ACOT11: variants seen among roughly 807,000 people sequenced by gnomAD.
ACOT11 encodes the protein acyl-CoA thioesterase 11.
ACOT11 carries 69 observed loss-of-function variants against 77.5 expected under a neutral mutation model. The ratio of observed to expected loss-of-function variants is 0.89; its 90% CI spans 0.73 to 1.09. ACOT11 has a LOEUF of 1.09. ACOT11 is among the 50% of genes least tolerant of loss of function. The probability of loss-of-function intolerance (pLI) is 0.00; values close to 1 mark genes in which losing one functional copy is unlikely to be tolerated. For synonymous variants in ACOT11, 279 were observed against 313.0 expected (o/e 0.89, Z 1.15); for missense variants, 766 against 813.7 (o/e 0.94, Z 0.71).
chr1:54,592,363 G>A (rs886774013), intron 3 of ACOT11, among the ~76,000 whole-genome samples, 183 bp from the exon 4 acceptor site: 12 of 152,352 alleles, frequency 7.9e-5, no homozygotes, highest in South Asian at 4.1e-4. Context: ...TGTAAAGTGG[G>A]GTGCTGACAC....
At chr1:54,623,234 C>A (rs373739721) in intron 15 of ACOT11, 1 of 1,325,962 alleles carries the variant, frequency 7.5e-7, no homozygotes, top group Non-Finnish European at 1.1e-6. Flanking sequence ...AAGGAGCGAG[C>A]GATGAGGGAA....
chr1:54,601,180 CAT>C (rs1491140405), intron 8 of ACOT11, 87 bp from the exon 9 acceptor site: 9 of 1,479,694 alleles, frequency 6.1e-6, no homozygotes, highest in Middle Eastern at 1.8e-4. Context: ...CGCATGTGTG[CAT>C]GTGTGTGTGT....
At chr1:54,554,369 T>TG (rs1557644050) in intron 1 of ACOT11, among the ~76,000 whole-genome samples, 4 of 128,864 alleles carry the variant, frequency 3.1e-5, no homozygotes, top group African/African-American at 1.2e-4. Flanking sequence ...TTTTTTTTTT[T>TG]GAGATGGAGT....
At chr1:54,603,766 T>G in intron 10 of ACOT11, 105 bp from the exon 11 acceptor site, 3 of 1,082,012 alleles carry the variant, frequency 2.8e-6, no homozygotes, top group Non-Finnish European at 4.2e-6. Context: ...TCTCCCATTC[T>G]GCCGGGCTCA....
intron 1 of ACOT11, among the ~76,000 whole-genome samples, chr1:54,578,587 C>T (rs1654194290): frequency 6.6e-6 from 1 of 152,176 alleles, no homozygotes; most frequent in Non-Finnish European, 1.5e-5. Context: ...AGATTCTGCT[C>T]CACATTCTGG....
Position 54,597,231 on chromosome 1 carries a change from T to G in ACOT11, c.608-28T>G, listed in dbSNP as rs6667448. On this transcript the variant is annotated intron_variant, in intron 6 of 15. Transcript: ENST00000343744. ...CTTGGGAATGTTCTCACCTCCCTGC[T>G]TCCCTCCCTTATCCCATCCCTGGTC... 2,493 of 1,607,322 alleles carry G rather than the reference T, an allele frequency of 1.6e-3. 21 individuals are homozygous for G. In the African/African-American group the frequency reaches 0.02, roughly 13 times the overall value.
Position 54,596,583 on chromosome 1 carries a change from A to AT in ACOT11, c.608-668dup, listed in dbSNP as rs542010106. On this transcript the variant is annotated intron_variant, in intron 6 of 15. Coordinates refer to ENST00000343744, the MANE Select transcript of ACOT11 (RefSeq NM_147161.4). ...TGGAGTCAAGTACTTTGTGATTATT[A>AT]TTTTTTTTGAGACAGAGTCTCACTC... 8.5e-5 allele frequency among the ~76,000 whole-genome samples: 13 copies of AT among 152,058 alleles called. No individual in the cohort carries two copies. The South Asian group carries it at 2.1e-3, about 24-fold the overall frequency.
intron 1 of ACOT11, among the ~76,000 whole-genome samples, chr1:54,568,567 T>G (rs531561226): frequency 7.9e-5 from 12 of 151,972 alleles, no homozygotes; most frequent in Non-Finnish European, 1.3e-4. Context: ...TTTCTCCATT[T>G]TGGTCAGACT....
intron 3 of ACOT11, among the ~76,000 whole-genome samples, chr1:54,586,842 A>G (rs1557657447): frequency 6.6e-6 from 1 of 152,002 alleles, no homozygotes; most frequent in Non-Finnish European, 1.5e-5. Context: ...TGCTTCTGGG[A>G]TCCAAGGAGC....
At chr1:54,590,068 A>G (rs1333091786) in intron 3 of ACOT11, among the ~76,000 whole-genome samples, 1 of 151,544 alleles carries the variant, frequency 6.6e-6, no homozygotes, top group Non-Finnish European at 1.5e-5. Flanking sequence ...AGCCTGGGCA[A>G]TAGAGCGAGA....
At chr1:54,567,101 T>C (rs568498105) in intron 1 of ACOT11, among the ~76,000 whole-genome samples, 43 of 152,236 alleles carry the variant, frequency 2.8e-4, no homozygotes, top group African/African-American at 1.0e-3. Context: ...TCTTCTCCAG[T>C]GAGCTCCAGG....
chr1:54,600,390 G>C (rs188824116), intron 8 of ACOT11, among the ~76,000 whole-genome samples: 101 of 152,290 alleles, frequency 6.6e-4, no homozygotes, highest in African/African-American at 2.2e-3. Flanking sequence ...TAATTAATAA[G>C]GATGGTAAGT....
At chr1:54,623,161 GA>G (rs1454817758) in intron 15 of ACOT11, 7 of 695,918 alleles carry the variant, frequency 1.0e-5, no homozygotes, top group Non-Finnish European at 1.7e-5. Context: ...TGGGCAACAA[GA>G]GCAAAACTCC....
chr1:54,552,614 C>T (rs1653108821), intron 1 of ACOT11, among the ~76,000 whole-genome samples: 1 of 152,054 alleles, frequency 6.6e-6, no homozygotes, highest in Non-Finnish European at 1.5e-5. Context: ...TTCTCGGCCT[C>T]CTGAGTAGCT....
chr1:54,623,552 A>G, intron 15 of ACOT11: 1 of 648,558 alleles, frequency 1.5e-6, no homozygotes, highest in Non-Finnish European at 2.8e-6. Flanking sequence ...CCCTCTGGAG[A>G]TAACCCCTGA....
chr1:54,601,205 T>G lies in ACOT11; in HGVS notation c.885-64T>G, dbSNP rs1048090743. ...CATGTGTGTGTGTGAGTGTGTGTGT[T>G]GGGGAGGAGGCATGGCCCTTGGGAA... On this transcript the variant is annotated intron_variant, in intron 8 of 15. Transcript: ENST00000343744. 9 of 1,566,588 alleles carry G rather than the reference T, an allele frequency of 5.7e-6. No homozygotes were observed. The African/African-American group carries it at 1.2e-4, about 21-fold the overall frequency.
intron 1 of ACOT11, among the ~76,000 whole-genome samples, chr1:54,574,948 G>T (rs1056578206): frequency 2.6e-5 from 4 of 152,216 alleles, no homozygotes; most frequent in African/African-American, 9.7e-5. Flanking sequence ...TCATCCACAT[G>T]CAGCAATTCA....
At position 54,607,664 on chromosome 1, in the gene ACOT11, A is replaced by T. The variant is rs1644045001; in HGVS notation, c.1503-278A>T. The stretch of plus-strand genomic sequence containing the variant: ...CAGAAAAAAAATCCCAAAGCCCACG[A>T]GTCTTCCCCTGAGCGTTGAAGTGGA... On this transcript the variant is annotated intron_variant, in intron 14 of 15. Coordinates refer to ENST00000343744, the MANE Select transcript of ACOT11 (RefSeq NM_147161.4). This position sits in a 1 kb window ranked among gnomAD's most constrained non-coding sequence, Gnocchi z 4.5. 6.6e-6 allele frequency among the ~76,000 whole-genome samples: 1 copy of T among 152,130 alleles called. No individual in the cohort carries two copies. Among genetic ancestry groups the T allele is most frequent in the Non-Finnish European group, 1.5e-5 (1 of 68,026 alleles).
chr1:54,614,986 C>T (rs558260195), downstream of ACOT11: 78 of 914,898 alleles, frequency 8.5e-5, no homozygotes, highest in South Asian at 2.7e-4. Context: ...CAGGGGAGGG[C>T]GGAAGGACCA....
Sources: gnomAD v4.1 joint callset for allele counts (sites outside exome capture counted in the v4.1 genomes callset) on GRCh38, gnomAD v4.1.1 for gene constraint, Gnocchi (gnomAD v3.1) non-coding constraint, MANE v1.5 for transcripts, NCBI Gene and HGNC (gene_info 2026-07-23, HGNC 2026-07-21) for gene names.